The following CDYL variants were observed in gnomAD, a reference collection of about 807,000 sequenced individuals.
The protein encoded by CDYL is chromodomain Y like.
In CDYL, 8 loss-of-function variants were observed where a neutral mutation model predicts 47.3. The ratio of observed to expected loss-of-function variants is 0.17; its 90% CI spans 0.10 to 0.31. The LOEUF (loss-of-function observed/expected upper bound fraction) is 0.31, where lower values mean the gene tolerates loss of function less well. Among genes scored for constraint, CDYL ranks in the 10% least tolerant of loss-of-function variants. The probability of loss-of-function intolerance (pLI) is 1.00; values close to 1 mark genes in which losing one functional copy is unlikely to be tolerated. For synonymous variants in CDYL, 266 were observed against 265.0 expected (o/e 1.00, Z -0.04); for missense variants, 471 against 701.4 (o/e 0.67, Z 3.71).
chr6:4,870,081 A>G (rs942330479), intron 1 of CDYL, among the ~76,000 whole-genome samples: 1 of 150,422 alleles, frequency 6.6e-6, no homozygotes, highest in African/African-American at 2.4e-5. Flanking sequence ...ATTTATTGTT[A>G]TGAGATGGGG....
intron 1 of CDYL, among the ~76,000 whole-genome samples, chr6:4,855,864 C>T (rs1265360199): frequency 2.1e-4 from 32 of 152,160 alleles, no homozygotes; most frequent in Non-Finnish European, 1.5e-5. Context: ...AGTGGGTAGA[C>T]TTTAGAACCC....
intron 2 of CDYL, among the ~76,000 whole-genome samples, chr6:4,901,616 T>A (rs1034137679): frequency 2.6e-5 from 4 of 152,232 alleles, no homozygotes; most frequent in Non-Finnish European, 5.9e-5. Context: ...GAAACTAGAC[T>A]CTACGTTAGA....
chr6:4,750,392 G>A lies in CDYL; in HGVS notation c.186+15548G>A, dbSNP rs141448724. 6.4e-3 allele frequency among the ~76,000 whole-genome samples: 978 copies of A among 151,934 alleles called. 7 individuals are homozygous for A. The highest frequency in any genetic ancestry group is 0.023 in the African/African-American group (939 of 41,420). On this transcript the variant is annotated intron_variant, in intron 3 of 8. Coordinates refer to the CDYL transcript ENST00000328908. Reference sequence around the variant, plus strand: ...TAATTTTTGTATTTTTAAAAGAGACGGGGTTTCACCATGTTGGCCAGCTGG... The same window carrying A: ...TAATTTTTGTATTTTTAAAAGAGACAGGGTTTCACCATGTTGGCCAGCTGG...
intron 1 of CDYL, among the ~76,000 whole-genome samples, chr6:4,885,766 C>T (rs1386336965): frequency 1.3e-5 from 2 of 152,202 alleles, no homozygotes; most frequent in Non-Finnish European, 2.9e-5. Context: ...GATTAACTCA[C>T]ATACCAGTTT....
chr6:4,753,828 A>G (rs940645855), intron 3 of CDYL, among the ~76,000 whole-genome samples: 2 of 152,228 alleles, frequency 1.3e-5, no homozygotes, highest in Non-Finnish European at 2.9e-5. Flanking sequence ...TGATTAAAGT[A>G]TCAGCCTCTT....
At chr6:4,939,324 G>A (rs1297674803) in intron 4 of CDYL, among the ~76,000 whole-genome samples, 1 of 152,016 alleles carries the variant, frequency 6.6e-6, no homozygotes, top group Non-Finnish European at 1.5e-5. Flanking sequence ...GGGGTAGGCA[G>A]GGACGTCTTT....
chr6:4,903,611 T>A (rs1346538950), intron 2 of CDYL, among the ~76,000 whole-genome samples: 1 of 152,156 alleles, frequency 6.6e-6, no homozygotes, highest in Admixed American at 6.5e-5. Flanking sequence ...AGGAGACAGC[T>A]TCTGTGTCCT....
At chr6:4,834,659 T>C (rs1760243393) in intron 1 of CDYL, among the ~76,000 whole-genome samples, 1 of 152,142 alleles carries the variant, frequency 6.6e-6, no homozygotes, top group South Asian at 2.1e-4. Context: ...GATAATATCC[T>C]GCAGAGTGTT....
chr6:4,935,561 C>G lies in CDYL; in HGVS notation c.738C>G (p.Asn246Lys), dbSNP rs751502269. Residue 246 changes from asparagine (N) to lysine (K), a missense_variant, in exon 3 of 7, where the codon AAC (asparagine) becomes AAG (lysine). Transcript: ENST00000397588. ...CATTAACAGCCAATGGGACAACCAACATACAGACATCTGTTACAGGAGTGA... is the reference window on the plus strand; with the variant it reads ...CATTAACAGCCAATGGGACAACCAAGATACAGACATCTGTTACAGGAGTGA... ...MDALTANGTT[N>K]IQTSVTGVTA... is the part of the protein sequence containing the mutation. The G allele has an allele frequency of 1.1e-5, 18 of 1,614,198 alleles. No individual in the cohort carries two copies. Among genetic ancestry groups the G allele is most frequent in the Admixed American group, 1.7e-5 (1 of 60,028 alleles).
At chr6:4,754,076 A>G (rs556616203) in intron 3 of CDYL, among the ~76,000 whole-genome samples, 26 of 152,292 alleles carry the variant, frequency 1.7e-4, no homozygotes, top group African/African-American at 6.0e-4. Context: ...TTGAAGCTGC[A>G]GTGAGCTATG....
intron 1 of CDYL, among the ~76,000 whole-genome samples, chr6:4,812,535 A>T (rs930516136): frequency 1.3e-5 from 2 of 152,228 alleles, no homozygotes; most frequent in African/African-American, 4.8e-5. Flanking sequence ...ATCAATTTAC[A>T]TAGTCTTTAT....
intron 1 of CDYL, among the ~76,000 whole-genome samples, chr6:4,707,767 G>A (rs140606848): frequency 6.6e-6 from 1 of 152,116 alleles, no homozygotes; most frequent in Admixed American, 6.5e-5. Context: ...ATCCTAGTGG[G>A]TGTGAGATAA....
At chr6:4,770,672 C>T (rs1012740155) in intron 3 of CDYL, among the ~76,000 whole-genome samples, 12 of 152,046 alleles carry the variant, frequency 7.9e-5, no homozygotes, top group Admixed American at 5.9e-4. Flanking sequence ...TATTCTGATT[C>T]GTTCAAAATA....
intron 3 of CDYL, among the ~76,000 whole-genome samples, chr6:4,752,562 C>G (rs1561836690): frequency 6.6e-6 from 1 of 152,108 alleles, no homozygotes; most frequent in Non-Finnish European, 1.5e-5. Flanking sequence ...AACGATTACC[C>G]TGCCTCCTAG....
chr6:4,791,196 A>G (rs1214881802), intron 1 of CDYL, among the ~76,000 whole-genome samples: 1 of 152,230 alleles, frequency 6.6e-6, no homozygotes, highest in East Asian at 1.9e-4. Flanking sequence ...CTTTGTCATC[A>G]ATACCACTGT....
At chr6:4,936,807 A>G (rs956584111) in intron 3 of CDYL, among the ~76,000 whole-genome samples, 1 of 152,218 alleles carries the variant, frequency 6.6e-6, no homozygotes, top group Non-Finnish European at 1.5e-5. Context: ...TGATATAATA[A>G]GCAACTTGCC....
At chr6:4,742,016 T>C (rs1354546854) in intron 3 of CDYL, among the ~76,000 whole-genome samples, 3 of 152,100 alleles carry the variant, frequency 2.0e-5, no homozygotes, top group Admixed American at 6.6e-5. Flanking sequence ...TGCAATATAA[T>C]TGCTGGCATA....
chr6:4,952,553 A>G lies in CDYL; in HGVS notation c.1476+144A>G, dbSNP rs951406967. ...TTCCCGTGAAGTCCTGCCAGAACCTATTGCCGCCACTGCCCCCACGCACGC... is the reference window on the plus strand; with the variant it reads ...TTCCCGTGAAGTCCTGCCAGAACCTGTTGCCGCCACTGCCCCCACGCACGC... On this transcript the variant is annotated intron_variant, in intron 6 of 6. Coordinates refer to ENST00000397588, the MANE Select transcript of CDYL (RefSeq NM_004824.4). 13 of 868,368 alleles carry G rather than the reference A, an allele frequency of 1.5e-5. 1 individual carries two copies. The South Asian group carries it at 1.9e-4, about 13-fold the overall frequency. The allele number at this position is 868,368 out of a possible 1,614,324, so 53.8% of individuals were successfully genotyped here. A position where few individuals can be genotyped will look rare whatever the true frequency, so the allele number is the denominator to read the frequency against.
chr6:4,723,532 G>T (rs770858607), intron 2 of CDYL, among the ~76,000 whole-genome samples: 1 of 152,158 alleles, frequency 6.6e-6, no homozygotes, highest in Non-Finnish European at 1.5e-5. Context: ...GGGGCTGCCA[G>T]CACCTGAAAA....
Sources: allele counts gnomAD v4.1 joint callset (sites outside exome capture counted in the v4.1 genomes callset), GRCh38; gene constraint gnomAD v4.1.1; transcripts MANE v1.5; gene names NCBI Gene and HGNC (gene_info 2026-07-23, HGNC 2026-07-21).